The following RBFOX1 variants were observed in gnomAD, a reference collection of about 807,000 sequenced individuals.
RBFOX1 encodes RNA binding protein fox-1 homolog 1.
RBFOX1 carries 8 observed loss-of-function variants against 57.7 expected under a neutral mutation model. The ratio of observed to expected loss-of-function variants is 0.14; its 90% confidence interval spans 0.08 to 0.25. The LOEUF (loss-of-function observed/expected upper bound fraction) is 0.25, where lower values mean the gene tolerates loss of function less well. Ranked by LOEUF, RBFOX1 falls within the 10% of genes least tolerant of loss-of-function variation. The probability of loss-of-function intolerance (pLI) is 1.00; values close to 1 mark genes in which losing one functional copy is unlikely to be tolerated. For synonymous variants in RBFOX1, 326 were observed against 222.4 expected (o/e 1.47, Z -4.15); for missense variants, 611 against 548.5 (o/e 1.11, Z -1.14).
chr16:6,850,311 G>T (rs918600221), intron 3 of RBFOX1, among the ~76,000 whole-genome samples: 1 of 152,156 alleles, frequency 6.6e-6, no homozygotes, highest in African/African-American at 2.4e-5. Flanking sequence ...CAGGTACGAT[G>T]AAAGAATAAA....
At chr16:5,440,801 T>C (rs1282325276) in intron 1 of RBFOX1, among the ~76,000 whole-genome samples, 2 of 152,142 alleles carry the variant, frequency 1.3e-5, no homozygotes, top group Non-Finnish European at 2.9e-5. Flanking sequence ...CAGAATGAGA[T>C]TCTCATGAGC....
chr16:5,411,502 C>G (rs1313616367), intron 1 of RBFOX1, among the ~76,000 whole-genome samples: 1 of 152,140 alleles, frequency 6.6e-6, no homozygotes, highest in Non-Finnish European at 1.5e-5. Flanking sequence ...TGATTCTAGG[C>G]CAGTGAGTCT....
chr16:5,917,389 A>T (rs2058729514), intron 4 of RBFOX1, among the ~76,000 whole-genome samples: 1 of 152,232 alleles, frequency 6.6e-6, no homozygotes, highest in Non-Finnish European at 1.5e-5. Flanking sequence ...CCAACAGCCT[A>T]AGAGATTTGG....
intron 4 of RBFOX1, among the ~76,000 whole-genome samples, chr16:7,506,786 A>G (rs2073457696): frequency 7.2e-6 from 1 of 138,006 alleles, no homozygotes; most frequent in African/African-American, 2.5e-5. Flanking sequence ...TGCCAAAGGT[A>G]CCATAATGAG....
At chr16:5,500,889 A>G (rs891728697) in intron 2 of RBFOX1, among the ~76,000 whole-genome samples, 2 of 151,984 alleles carry the variant, frequency 1.3e-5, no homozygotes, top group African/African-American at 4.8e-5. Flanking sequence ...TAGATCCCAA[A>G]CTCCAGAGAG....
chr16:5,434,540 A>T (rs2067857037), intron 1 of RBFOX1, among the ~76,000 whole-genome samples: 1 of 151,526 alleles, frequency 6.6e-6, no homozygotes, highest in African/African-American at 2.4e-5. Context: ...CTGGTCTCAA[A>T]CTCCTGACCT....
chr16:7,685,062 G>A (rs891580118), intron 14 of RBFOX1, among the ~76,000 whole-genome samples: 1 of 152,036 alleles, frequency 6.6e-6, no homozygotes, highest in Non-Finnish European at 1.5e-5. Flanking sequence ...GGGCTCACCA[G>A]GAGCCTGTGA....
At position 7,056,223 on chromosome 16, in the gene RBFOX1, G is replaced by A. The variant is rs149324335; in HGVS notation, c.27+4125G>A. Among the ~76,000 whole-genome samples, 341 of 152,230 alleles carry A rather than the reference G, an allele frequency of 2.2e-3. 2 individuals are homozygous for A. Among genetic ancestry groups the A allele is most frequent in the African/African-American group, 7.7e-3 (321 of 41,540 alleles). On this transcript the variant is annotated intron_variant, in intron 4 of 15. Transcript: ENST00000550418. ...TCAGCCAGTTACTCCCAACAGTAGG[G>A]TCACTCTTCTCAGAGAACTATTGGG...
chr16:5,978,673 TG>T lies in RBFOX1; in HGVS notation c.351+111339del, dbSNP rs1402074200. On this transcript the variant is annotated intron_variant, in intron 4 of 19. Transcript: ENST00000641259. ...TCTCAAAGTGTTTTTTTTGTTTTTT[TG>T]TTTGTTTTTTTTTTTGTTGTTGTTG... Among the ~76,000 whole-genome samples, 471 of 148,206 alleles carry T rather than the reference TG, an allele frequency of 3.2e-3. 2 individuals carry two copies. The highest frequency in any genetic ancestry group is 0.021 in the Admixed American group (308 of 14,718).
chr16:5,496,201 G>T (rs2042996214), intron 2 of RBFOX1, among the ~76,000 whole-genome samples: 1 of 152,192 alleles, frequency 6.6e-6, no homozygotes, highest in Non-Finnish European at 1.5e-5. Flanking sequence ...TCTCTCTCGA[G>T]TGCACCTCCA....
intron 2 of RBFOX1, among the ~76,000 whole-genome samples, chr16:5,566,534 C>G (rs929431078): frequency 1.3e-5 from 2 of 151,708 alleles, no homozygotes; most frequent in African/African-American, 4.9e-5. Flanking sequence ...TTTCTTGTAA[C>G]TTGCTCCATC....
At chr16:6,073,273 C>T (rs368462478) in intron 1 of RBFOX1, among the ~76,000 whole-genome samples, 1 of 152,150 alleles carries the variant, frequency 6.6e-6, no homozygotes, top group Non-Finnish European at 1.5e-5. Context: ...CTCTGATGAG[C>T]AGGTATTAGG....
chr16:6,151,365 A>C (rs2096796587), intron 1 of RBFOX1, among the ~76,000 whole-genome samples: 1 of 152,098 alleles, frequency 6.6e-6, no homozygotes, highest in East Asian at 1.9e-4. Flanking sequence ...GGCTCACTGC[A>C]ACCTCTGCCT....
chr16:7,224,080 C>G (rs1198822451), intron 4 of RBFOX1, among the ~76,000 whole-genome samples: 1 of 119,272 alleles, frequency 8.4e-6, no homozygotes, highest in African/African-American at 3.3e-5. Flanking sequence ...GCTCGTTGTT[C>G]TGGGTCTTTC....
chr16:5,731,882 G>A (rs192259908), intron 3 of RBFOX1, among the ~76,000 whole-genome samples: 2 of 152,264 alleles, frequency 1.3e-5, no homozygotes, highest in Non-Finnish European at 2.9e-5. Flanking sequence ...TATCTCACAT[G>A]TTAGCCTCTC....
chr16:6,897,683 G>C (rs118112806), intron 3 of RBFOX1, among the ~76,000 whole-genome samples: 2,913 of 151,792 alleles, frequency 0.019, 34 homozygotes, highest in Non-Finnish European at 0.031. Context: ...ATCACAGCCA[G>C]TTGGGAGCCT....
chr16:7,495,679 A>C (rs144028067), intron 4 of RBFOX1, among the ~76,000 whole-genome samples: 1 of 152,242 alleles, frequency 6.6e-6, no homozygotes, highest in African/African-American at 2.4e-5. Flanking sequence ...AATTTATTCA[A>C]GTTTTAATAT....
chr16:5,544,193 C>G (rs2045087950), intron 2 of RBFOX1, among the ~76,000 whole-genome samples: 1 of 152,098 alleles, frequency 6.6e-6, no homozygotes, highest in Admixed American at 6.5e-5. Context: ...AAACCAGTCT[C>G]AATAATTTCA....
intron 1 of RBFOX1, among the ~76,000 whole-genome samples, chr16:6,175,588 G>A (rs188804296): frequency 1.4e-3 from 212 of 152,274 alleles, no homozygotes; most frequent in Non-Finnish European, 2.4e-3. Context: ...AATAGCTGTA[G>A]GAACTAGTGT....
Sources: gnomAD v4.1 joint callset for allele counts (sites outside exome capture counted in the v4.1 genomes callset) on GRCh38, gnomAD v4.1.1 for gene constraint, MANE v1.5 for transcripts, NCBI Gene and HGNC (gene_info 2026-07-23, HGNC 2026-07-21) for gene names.